Variants in CHGA observed in about 807,000 individuals in gnomAD.
CHGA encodes the protein chromogranin-A.
CHGA carries 41 observed loss-of-function variants against 54.4 expected under a neutral mutation model. The ratio of observed to expected loss-of-function variants is 0.75; its 90% CI spans 0.59 to 0.98. The LOEUF (loss-of-function observed/expected upper bound fraction) is 0.98. Ranked by LOEUF, CHGA falls within the 50% of genes least tolerant of loss-of-function variation. CHGA has a pLI of 0.00. For missense variants in CHGA, 576 were observed against 582.3 expected (o/e 0.99, Z 0.11); for synonymous variants, 249 against 232.8 (o/e 1.07, Z -0.63).
At chr14:92,924,308 T>G (rs1886846057) in intron 2 of CHGA, 63 bp downstream of exon 2, 4 of 1,523,728 alleles carry the variant, frequency 2.6e-6, no homozygotes, top group Non-Finnish European at 3.6e-6. Flanking sequence ...AGCCAGTTCT[T>G]GGGCAGCTGC....
chr14:92,932,209 G>T lies in CHGA; in HGVS notation c.809-161G>T. On this transcript the variant is annotated intron_variant, in intron 6 of 7. Transcript: ENST00000216492. This position sits in a 1 kb window ranked among gnomAD's most constrained non-coding sequence, Gnocchi z 5.3. ...CTAACCCACCCCTCTGAGCCGAGAG[G>T]GTCTTGCAAAGCCTGGCATCAAGAA... is the stretch of plus-strand genomic sequence containing the variant. 1.0e-6 allele frequency: 1 copy of T among 987,434 alleles called. No homozygotes were observed. Among genetic ancestry groups the T allele is most frequent in the South Asian group, 1.8e-5 (1 of 56,428 alleles). 61.2% of individuals were successfully genotyped at this position (987,434 alleles called of 1,614,324 possible).
chr14:92,934,151 T>A (rs1369774750), intron 7 of CHGA, among the ~76,000 whole-genome samples: 1 of 152,118 alleles, frequency 6.6e-6, no homozygotes, highest in Non-Finnish European at 1.5e-5. Context: ...CTGCTCTAAG[T>A]CTTGAGGTTG....
chr14:92,926,081 C>T (rs1276131488), intron 2 of CHGA: 1 of 154,404 alleles, frequency 6.5e-6, no homozygotes, highest in Admixed American at 6.3e-5. Flanking sequence ...GCTGTGACTC[C>T]TTGCATACGA....
rs750853273 is a variant in CHGA, at chr14:92,932,795, C to G, written c.1234C>G (p.Arg412Gly). The G allele has an allele frequency of 6.4e-7, 1 of 1,568,496 alleles. No individual in the cohort carries two copies. Among genetic ancestry groups the G allele is most frequent in the African/African-American group, 1.4e-5 (1 of 73,936 alleles). Reference sequence around the variant, plus strand: ...TGAGGCGGGCCTGCCCCTCCAGGTCCGAGGCTACCCCGAGGAGAAGAAAGA... The same window carrying G: ...TGAGGCGGGCCTGCCCCTCCAGGTCGGAGGCTACCCCGAGGAGAAGAAAGA... ...SLEAGLPLQV[R>G]GYPEEKKEEE... Residue 412 changes from arginine (R) to glycine (G), a missense_variant, in exon 7 of 8, where the codon CGA (arginine) becomes GGA (glycine). Transcript: ENST00000216492. The surrounding 1 kb of genome is among the most constrained non-coding windows in gnomAD (Gnocchi z 5.3).
chr14:92,926,365 C>A, intron 2 of CHGA: 1 of 542,452 alleles, frequency 1.8e-6, no homozygotes, highest in Non-Finnish European at 3.3e-6. Context: ...GGAGGGGAAC[C>A]TGCTGGCCAT....
Position 92,932,989 on chromosome 14 carries a change from C to T in CHGA, c.1290+138C>T, listed in dbSNP as rs545866405. The T allele has an allele frequency of 2.2e-5, 29 of 1,314,490 alleles. No individual in the cohort carries two copies. In the Admixed American group the frequency reaches 3.3e-4, roughly 15 times the overall value. 81.4% of individuals were successfully genotyped at this position (1,314,490 alleles called of 1,614,324 possible). ...TCTGGGGATGGAGAGATGCTCAGAC[C>T]GGGGGCTCTCAGGGTGGGAGAACAC... On this transcript the variant is annotated intron_variant, in intron 7 of 7. Transcript: ENST00000216492. The surrounding 1 kb of genome is among the most constrained non-coding windows in gnomAD (Gnocchi z 5.3).
chr14:92,927,097 G>A (rs1433644071), intron 3 of CHGA, among the ~76,000 whole-genome samples: 2 of 152,222 alleles, frequency 1.3e-5, no homozygotes, highest in Admixed American at 6.5e-5. Flanking sequence ...GACAGGAGAA[G>A]GACGAAATCT....
intron 4 of CHGA, among the ~76,000 whole-genome samples, chr14:92,928,858 G>A (rs1384875377): frequency 1.3e-5 from 2 of 152,156 alleles, no homozygotes; most frequent in Admixed American, 6.5e-5. Flanking sequence ...CATCTTCTGT[G>A]TGCCTCTGTC....
chr14:92,929,677 C>T, intron 4 of CHGA, 40 bp from the exon 5 acceptor site: 1 of 1,571,032 alleles, frequency 6.4e-7, no homozygotes, highest in Non-Finnish European at 8.8e-7. Context: ...TATGCCACAG[C>T]TGCACCCAAT....
rs1213313358 is a variant in CHGA, at chr14:92,926,601, C to T, written c.94-4C>T. 1 of 1,613,804 alleles carries T rather than the reference C, an allele frequency of 6.2e-7. No individual in the cohort carries two copies. Among genetic ancestry groups the T allele is most frequent in the South Asian group, 1.1e-5 (1 of 91,082 alleles). ...CCCAACCTGCCCCTGCACTGTGTTC[C>T]CAGGTGATGAAATGCATCGTTGAGG... On this transcript the variant is annotated splice_polypyrimidine_tract_variant and splice_region_variant and intron_variant, in intron 2 of 7. Coordinates refer to ENST00000216492, the MANE Select transcript of CHGA (RefSeq NM_001275.4).
chr14:92,927,803 C>T (rs1486580472), intron 4 of CHGA, among the ~76,000 whole-genome samples, 185 bp downstream of exon 4: 2 of 152,180 alleles, frequency 1.3e-5, no homozygotes, highest in Admixed American at 6.5e-5. Context: ...GAAATCAAGG[C>T]CCAGAGAGGT....
chr14:92,924,834 G>A (rs1886855935), intron 2 of CHGA, among the ~76,000 whole-genome samples: 1 of 152,340 alleles, frequency 6.6e-6, no homozygotes. Flanking sequence ...TTCTCTGGCA[G>A]CAAGAGACAC....
chr14:92,927,646 T>G, intron 4 of CHGA, 28 bp downstream of exon 4: 1 of 1,585,294 alleles, frequency 6.3e-7, no homozygotes, highest in Non-Finnish European at 8.6e-7. Context: ...CACTTGACTC[T>G]GGGTAAATTC....
intron 7 of CHGA, chr14:92,933,061 G>A: frequency 1.5e-6 from 1 of 663,892 alleles, no homozygotes; most frequent in Non-Finnish European, 2.3e-6. Context: ...GAGATGGGAG[G>A]AGCTCAGGTC....
At position 92,923,359 on chromosome 14, in the gene CHGA, C is replaced by A; in HGVS notation, c.-1C>A. The A allele has an allele frequency of 7.6e-7, 1 of 1,317,426 alleles. No homozygotes were observed. Among genetic ancestry groups the A allele is most frequent in the Admixed American group, 3.6e-5 (1 of 27,416 alleles). 81.6% of individuals were successfully genotyped at this position (1,317,426 alleles called of 1,614,324 possible). A position where few individuals can be genotyped will look rare whatever the true frequency, so the allele number is the denominator to read the frequency against. ...CCAGCTGCTCGGCGCCCGGGTCCGC[C>A]ATGCGCTCCGCCGCTGTCCTGGCTC... On this transcript the variant is annotated 5_prime_UTR_variant, in exon 1 of 8. Coordinates refer to ENST00000216492, the MANE Select transcript of CHGA (RefSeq NM_001275.4).
At position 92,931,570 on chromosome 14, in the gene CHGA, AAG is replaced by A; in HGVS notation, c.682_683del (p.Glu228ArgfsTer10). On this transcript the variant is annotated frameshift_variant, in exon 6 of 8. Coordinates refer to ENST00000216492, the MANE Select transcript of CHGA (RefSeq NM_001275.4). LOFTEE classifies it high-confidence loss of function. Reference protein sequence around the residue: ...GLSAEPGWQAKREEEEEEEEE... With the variant: ...GLSAEPGWQAXREEEEEEEEE... ...GAGTGCAGAGCCAGGGTGGCAGGCA[AAG>A]AGAGAAGAGGAGGAGGAGGAGGAGG... The A allele has an allele frequency of 6.2e-7, 1 of 1,612,604 alleles. No homozygotes were observed.
upstream of CHGA, among the ~76,000 whole-genome samples, chr14:92,922,733 G>A (rs1314647640): frequency 6.6e-6 from 1 of 152,196 alleles, no homozygotes; most frequent in Non-Finnish European, 1.5e-5. Flanking sequence ...CATGAGTGAT[G>A]GGCATGCCTC....
chr14:92,926,469 C>T, intron 2 of CHGA, 136 bp from the exon 3 acceptor site: 1 of 682,358 alleles, frequency 1.5e-6, no homozygotes, highest in East Asian at 2.7e-5. Flanking sequence ...GAGCTGTGTC[C>T]CTGAGCCAGG....
chr14:92,923,406 G>A lies in CHGA; in HGVS notation c.46+1G>A, dbSNP rs1003445255. 7.9e-7 allele frequency: 1 copy of A among 1,261,646 alleles called. No individual in the cohort carries two copies. Among genetic ancestry groups the A allele is most frequent in the Non-Finnish European group, 1.0e-6 (1 of 1,004,786 alleles). 78.2% of individuals were successfully genotyped at this position (1,261,646 alleles called of 1,614,324 possible). ...GCTCTTCTGCTCTGCGCCGGGCAAG[G>A]TGAGCGAGCGCGGGGAGCTCGCGGG... On this transcript the variant is annotated splice_donor_variant, in intron 1 of 7. Transcript: ENST00000216492. LOFTEE classifies it high-confidence loss of function.
Sources: gnomAD v4.1 joint callset for allele counts (sites outside exome capture counted in the v4.1 genomes callset) on GRCh38, gnomAD v4.1.1 for gene constraint, Gnocchi (gnomAD v3.1) non-coding constraint, MANE v1.5 for transcripts, NCBI Gene and HGNC (gene_info 2026-07-23, HGNC 2026-07-21) for gene names.